Variants in SIGLEC9 observed in about 807,000 individuals in gnomAD.
SIGLEC9 encodes sialic acid-binding Ig-like lectin 9.
A neutral mutation model predicts 38.3 loss-of-function variants in SIGLEC9; 26 were observed. That is an observed-to-expected ratio of 0.68 (90% CI 0.50 to 0.94). SIGLEC9 has a LOEUF of 0.94. Ranked by LOEUF, SIGLEC9 falls within the 40% of genes least tolerant of loss-of-function variation. The pLI is 0.00. For missense variants in SIGLEC9, 556 were observed against 585.7 expected (o/e 0.95, Z 0.52); for synonymous variants, 236 against 248.0 (o/e 0.95, Z 0.45).
At chr19:51,131,539 T>A (rs532373147), downstream of SIGLEC9, among the ~76,000 whole-genome samples, 1 of 150,478 alleles carries the variant, frequency 6.6e-6, no homozygotes, top group South Asian at 2.1e-4. Flanking sequence ...TGAGCTGAGA[T>A]CGTGCCACTG....
At chr19:51,125,524 C>T (rs938116241) in intron 1 of SIGLEC9, 73 bp from the exon 2 acceptor site, 42 of 1,578,244 alleles carry the variant, frequency 2.7e-5, no homozygotes, top group African/African-American at 5.4e-5. Context: ...GGAGCTGGAC[C>T]AGAGCCTGAG....
Position 51,125,611 on chromosome 19 carries a change from C to T in SIGLEC9, c.436C>T (p.Pro146Ser), listed in dbSNP as rs1019555162. ...CTCTTCACCAGCCTTGACCCACAGG[C>T]CCAACATCCTCATCCCAGGCACCCT... ...SVNVTALTHR[P>S]NILIPGTLES... is the part of the protein sequence containing the mutation. The change falls in exon 2 of 7, where the codon CCC (proline) becomes TCC (serine). Residue 146 changes from proline to serine, a missense_variant. Physicochemically the swap from Pro to Ser is moderately conservative, Grantham distance 74. Transcript: ENST00000250360. The T allele has an allele frequency of 6.2e-6, 10 of 1,611,332 alleles. No individual in the cohort carries two copies. The highest frequency in any genetic ancestry group is 8.5e-6 in the Non-Finnish European group (10 of 1,179,946).
Position 51,128,545 on chromosome 19 carries a change from G to A in SIGLEC9, c.1203+35G>A, listed in dbSNP as rs188425039. On this transcript the variant is annotated intron_variant, in intron 6 of 6. Coordinates refer to ENST00000250360, the MANE Select transcript of SIGLEC9 (RefSeq NM_014441.3). ...GTGGACTCTCCACAGCCAGCATGTA[G>A]CCTGGACACCTCCCACAGGATGACC... 3.2e-4 allele frequency: 503 copies of A among 1,589,220 alleles called. 1 individual carries two copies. The African/African-American group carries it at 6.3e-3, about 20-fold the overall frequency.
chr19:51,124,484 A>G (rs970991619), upstream of SIGLEC9, among the ~76,000 whole-genome samples: 2 of 152,006 alleles, frequency 1.3e-5, no homozygotes, highest in Non-Finnish European at 2.9e-5. Context: ...TTGTGCAGAA[A>G]GGGGGTGCCC....
At chr19:51,136,117 G>A (rs192662214) in exon 7 of SIGLEC9, 33 of 703,868 alleles carry the variant, frequency 4.7e-5, no homozygotes, top group Admixed American at 2.2e-4. Flanking sequence ...GGGAGATAGT[G>A]TGGTCACTTG....
chr19:51,135,675 A>G (rs1381117136), intron 6 of SIGLEC9, among the ~76,000 whole-genome samples: 1 of 152,126 alleles, frequency 6.6e-6, no homozygotes, highest in Non-Finnish European at 1.5e-5. Context: ...TATGTTTTAT[A>G]AGTTGCTGCG....
chr19:51,129,964 T>TG lies in SIGLEC9; in HGVS notation c.1282dup (p.Glu428GlyfsTer26), dbSNP rs751951574. On this transcript the variant is annotated frameshift_variant, in exon 7 of 7. Coordinates refer to ENST00000250360, the MANE Select transcript of SIGLEC9 (RefSeq NM_014441.3). LOFTEE classifies it low-confidence loss of function (END_TRUNC). Reference sequence around the variant, plus strand: ...CCCCCAGCTTCTGCCCGCTCCTCAGTGGGGGAAGGAGAGCTCCAGTATGCA... The same window carrying TG: ...CCCCCAGCTTCTGCCCGCTCCTCAGTGGGGGGAAGGAGAGCTCCAGTATGCA... 1 of 1,613,628 alleles carries TG rather than the reference T, an allele frequency of 6.2e-7. No individual in the cohort carries two copies. The highest frequency in any genetic ancestry group is 8.5e-7 in the Non-Finnish European group (1 of 1,179,802).
Position 51,130,168 on chromosome 19 carries a change from C to T in SIGLEC9, c.*89C>T. 4 of 1,500,734 alleles carry T rather than the reference C, an allele frequency of 2.7e-6. No individual in the cohort carries two copies. The highest frequency in any genetic ancestry group is 3.5e-6 in the Non-Finnish European group (4 of 1,127,026). 93.0% of individuals were successfully genotyped at this position (1,500,734 alleles called of 1,614,324 possible). ...GGCTGATTCTTGTAGAATTAACAGC[C>T]CTCAACGTGATGAGCTATGATAACA... On this transcript the variant is annotated 3_prime_UTR_variant, in exon 7 of 7. Transcript: ENST00000250360.
downstream of SIGLEC9, among the ~76,000 whole-genome samples, chr19:51,134,709 T>C (rs2092033823): frequency 6.6e-6 from 1 of 152,214 alleles, no homozygotes; most frequent in Non-Finnish European, 1.5e-5. Flanking sequence ...TTTGTAGGAA[T>C]TTTCGTATCT....
In SIGLEC9 at chr19:51,127,071, G is replaced by A; in HGVS notation, c.790G>A (p.Glu264Lys). ...LGNGSSLSLP[E>K]GQSLRLVCAV... ...AAATGGCTCATCTCTGTCACTCCCA[G>A]AGGGCCAGTCTCTGCGCCTGGTCTG... The change falls in exon 4 of 7, where the codon GAG becomes AAG. Residue 264 changes from glutamate (E) to lysine (K), a missense_variant. Coordinates refer to ENST00000250360, the MANE Select transcript of SIGLEC9 (RefSeq NM_014441.3). The A allele has an allele frequency of 6.2e-7, 1 of 1,614,178 alleles. No individual in the cohort carries two copies. The highest frequency in any genetic ancestry group is 8.5e-7 in the Non-Finnish European group (1 of 1,180,012).
rs142863607 is a variant in SIGLEC9 at position 51,129,406 on chromosome 19, A to G, written c.1204-485A>G. The stretch of plus-strand genomic sequence containing the variant: ...AGTCTCCTGACCTTGTGATCTGCCC[A>G]CCTTGGCTTCCCGAAGTGCTGGGAT... On this transcript the variant is annotated intron_variant, in intron 6 of 6. Transcript: ENST00000250360. Among the ~76,000 whole-genome samples, 353 of 151,770 alleles carry G rather than the reference A, an allele frequency of 2.3e-3. 10 individuals are homozygous for G. The East Asian group carries it at 0.056, about 24-fold the overall frequency.
At position 51,125,806 on chromosome 19, in the gene SIGLEC9, C is replaced by G. The variant is rs987495726; in HGVS notation, c.631C>G (p.Leu211Val). The G allele has an allele frequency of 3.7e-6, 6 of 1,614,042 alleles. No homozygotes were observed. Among genetic ancestry groups the G allele is most frequent in the Non-Finnish European group, 5.1e-6 (6 of 1,180,028 alleles). The change falls in exon 2 of 7, where the codon CTC (leucine) becomes GTC (valine). Residue 211 changes from leucine (L) to valine (V), a missense_variant. Transcript: ENST00000250360. ...IPQPQDHGTS[L>V]TCQVTFPGAS... The stretch of plus-strand genomic sequence containing the variant: ...ACAGCCCCAGGACCATGGCACCAGC[C>G]TCACCTGTCAGGTGACCTTCCCTGG...
In SIGLEC9 at chr19:51,125,726, C is replaced by G. The variant is rs149413559; in HGVS notation, c.551C>G (p.Ser184Cys). 1 of 1,614,050 alleles carries G rather than the reference C, an allele frequency of 6.2e-7. No individual in the cohort carries two copies. The highest frequency in any genetic ancestry group is 1.1e-5 in the South Asian group (1 of 91,080). The change falls in exon 2 of 7, where the codon TCC becomes TGC. Residue 184 changes from serine (S) to cysteine (C), a missense_variant. Physicochemically the swap from Ser to Cys is moderately radical, Grantham distance 112. Coordinates refer to ENST00000250360, the MANE Select transcript of SIGLEC9 (RefSeq NM_014441.3). The part of the protein sequence containing the change: ...TPPMISWIGT[S>C]VSPLDPSTTR... Reference sequence around the variant, plus strand: ...CCTATGATCTCCTGGATAGGGACCTCCGTGTCCCCCCTGGACCCCTCCACC... The same window carrying G: ...CCTATGATCTCCTGGATAGGGACCTGCGTGTCCCCCCTGGACCCCTCCACC...
chr19:51,132,770 CA>C (rs1009464059), downstream of SIGLEC9, among the ~76,000 whole-genome samples: 74 of 152,212 alleles, frequency 4.9e-4, no homozygotes, highest in African/African-American at 1.7e-3. Flanking sequence ...TATAGCAACA[CA>C]AATGAACTAA....
upstream of SIGLEC9, among the ~76,000 whole-genome samples, chr19:51,124,581 AGC>A (rs2091963406): frequency 6.6e-6 from 1 of 152,016 alleles, no homozygotes; most frequent in Non-Finnish European, 1.5e-5. Context: ...CCCACCTCTG[AGC>A]TACGCAGATA....
At chr19:51,133,418 CAA>C (rs57292401), downstream of SIGLEC9, among the ~76,000 whole-genome samples, 45,394 of 132,172 alleles carry the variant, frequency 0.34, 7,577 homozygotes, top group East Asian at 0.63. Context: ...ACCAAAAATA[CAA>C]AAAAAAAAAA....
chr19:51,130,118 C>T lies in SIGLEC9; in HGVS notation c.*39C>T, dbSNP rs182102147. 215 of 1,559,746 alleles carry T rather than the reference C, an allele frequency of 1.4e-4. 1 individual carries two copies. The African/African-American group carries it at 2.6e-3, about 19-fold the overall frequency. On this transcript the variant is annotated 3_prime_UTR_variant, in exon 7 of 7. Transcript: ENST00000250360. ...CTCACCCTGATTGAGGGATCACAGC[C>T]CCTCCAGGCAAGGGAGAAGTCAGAG...
intron 6 of SIGLEC9, among the ~76,000 whole-genome samples, chr19:51,129,153 T>G (rs966275753): frequency 2.7e-5 from 4 of 146,312 alleles, no homozygotes; most frequent in Non-Finnish European, 5.9e-5. Context: ...TTTGTTTTTT[T>G]TTTTTTTTGT....
At chr19:51,121,925 A>T (rs1488072059), upstream of SIGLEC9, among the ~76,000 whole-genome samples, 1 of 147,790 alleles carries the variant, frequency 6.8e-6, no homozygotes, top group African/African-American at 2.7e-5. Flanking sequence ...GCCCCTCCCC[A>T]GCCTCCCATC....
Sources: gnomAD v4.1 joint callset for allele counts (sites outside exome capture counted in the v4.1 genomes callset) on GRCh38, gnomAD v4.1.1 for gene constraint, MANE v1.5 for transcripts, NCBI Gene and HGNC (gene_info 2026-07-23, HGNC 2026-07-21) for gene names.